The following SVOPL variants were observed in gnomAD, a reference collection of about 807,000 sequenced individuals.
The protein encoded by SVOPL is SVOP like, also known as putative transporter SVOPL.
A neutral mutation model predicts 61.0 loss-of-function variants in SVOPL; 60 were observed. The ratio of observed to expected loss-of-function variants is 0.98; its 90% CI spans 0.80 to 1.22. The LOEUF (loss-of-function observed/expected upper bound fraction) is 1.22. SVOPL is among the 50% of genes most tolerant of loss of function. The probability of loss-of-function intolerance (pLI) is 0.00; values close to 1 mark genes in which losing one functional copy is unlikely to be tolerated. For missense variants in SVOPL, 662 were observed against 643.9 expected (o/e 1.03, Z -0.30); for synonymous variants, 279 against 250.0 (o/e 1.12, Z -1.09).
At chr7:138,654,835 G>A (rs182602048) in intron 7 of SVOPL, among the ~76,000 whole-genome samples, 8 of 149,758 alleles carry the variant, frequency 5.3e-5, no homozygotes, top group Non-Finnish European at 1.0e-4. Context: ...ACACAACATA[G>A]TGAGACCACA....
At chr7:138,656,415 C>T (rs371683036) in intron 7 of SVOPL, 33 bp downstream of exon 7, 1 of 1,609,688 alleles carries the variant, frequency 6.2e-7, no homozygotes, top group Non-Finnish European at 8.5e-7. Context: ...CCATAGGATG[C>T]CAAAGGCAGG....
chr7:138,600,885 C>A (rs1798487598), intron 14 of SVOPL, among the ~76,000 whole-genome samples: 1 of 151,984 alleles, frequency 6.6e-6, no homozygotes, highest in African/African-American at 2.4e-5. Context: ...TATGGAAAAT[C>A]CTGTGGATAT....
chr7:138,675,478 C>T (rs1017205496), intron 3 of SVOPL, among the ~76,000 whole-genome samples: 5 of 151,968 alleles, frequency 3.3e-5, no homozygotes, highest in Non-Finnish European at 4.4e-5. Context: ...CCCTGCCTTC[C>T]GAGTAGCTGG....
At chr7:138,598,835 T>C (rs1673211) in intron 14 of SVOPL, among the ~76,000 whole-genome samples, 116,717 of 152,142 alleles carry the variant, frequency 0.77, 46,082 homozygotes, top group African/African-American at 0.94. Flanking sequence ...TATAACTCTA[T>C]TAAGTACATT....
chr7:138,699,101 G>T (rs1346665744), intron 1 of SVOPL, among the ~76,000 whole-genome samples: 1 of 152,160 alleles, frequency 6.6e-6, no homozygotes, highest in Non-Finnish European at 1.5e-5. Context: ...GCAGTGAGCT[G>T]AGATCATGCC....
chr7:138,597,620 C>T (rs1798331915), intron 14 of SVOPL, among the ~76,000 whole-genome samples: 1 of 147,548 alleles, frequency 6.8e-6, no homozygotes, highest in Admixed American at 6.9e-5. Context: ...TTTCCCCAAA[C>T]AGGAGTTTGT....
intron 14 of SVOPL, among the ~76,000 whole-genome samples, chr7:138,598,742 CACA>C (rs1320449694): frequency 6.6e-6 from 1 of 151,966 alleles, no homozygotes; most frequent in East Asian, 1.9e-4. Flanking sequence ...GGAATGAAAA[CACA>C]ACATGTTAAA....
intron 13 of SVOPL, among the ~76,000 whole-genome samples, chr7:138,622,308 A>ATCTATCTATCTGTCTATCTATCTG (rs1563096950): frequency 6.7e-6 from 1 of 148,268 alleles, no homozygotes; most frequent in African/African-American, 2.5e-5. Context: ...CTATCTATCT[A>ATCTATCTATCTGTCTATCTATCTG]TCTATCGACA....
intron 9 of SVOPL, among the ~76,000 whole-genome samples, chr7:138,638,089 C>CATGGTGAAA (rs1262117780): frequency 2.0e-5 from 3 of 151,912 alleles, no homozygotes; most frequent in Admixed American, 1.3e-4. Context: ...GCCTGGCTAA[C>CATGGTGAAA]ATGGTGAAAC....
intron 14 of SVOPL, among the ~76,000 whole-genome samples, chr7:138,603,329 T>C (rs1798609371): frequency 1.3e-5 from 2 of 152,330 alleles, no homozygotes; most frequent in East Asian, 1.9e-4. Context: ...CCTCACATTG[T>C]TGATGTACTG....
At chr7:138,650,411 A>G (rs1242143741) in intron 7 of SVOPL, among the ~76,000 whole-genome samples, 1 of 151,978 alleles carries the variant, frequency 6.6e-6, no homozygotes, top group African/African-American at 2.4e-5. Flanking sequence ...GGAAGAAGAG[A>G]TTAGTTCTGA....
At chr7:138,606,850 A>C (rs754977068) in intron 14 of SVOPL, among the ~76,000 whole-genome samples, 5 of 152,094 alleles carry the variant, frequency 3.3e-5, no homozygotes, top group Non-Finnish European at 5.9e-5. Flanking sequence ...GCTACTCAGG[A>C]GGCTGAGGCA....
chr7:138,660,489 G>A, intron 5 of SVOPL: 2 of 985,814 alleles, frequency 2.0e-6, no homozygotes, highest in Admixed American at 6.1e-5. Flanking sequence ...TATCTTCTCT[G>A]TTTATGAGAG....
chr7:138,619,186 T>C (rs1799437235), intron 14 of SVOPL, among the ~76,000 whole-genome samples: 1 of 152,144 alleles, frequency 6.6e-6, no homozygotes. Flanking sequence ...GGCAGGAGGA[T>C]GGCCTAAACC....
chr7:138,659,852 T>C lies in SVOPL; in HGVS notation c.470+12A>G. 1 of 1,551,212 alleles carries C rather than the reference T, an allele frequency of 6.4e-7. No individual in the cohort carries two copies. Among genetic ancestry groups the C allele is most frequent in the Non-Finnish European group, 8.7e-7 (1 of 1,146,832 alleles). Reference sequence around the variant, plus strand: ...CGTTTCTGTCTCAGGGTCCCCTGGGTAACATATTTACCCTTGCGAGTGGCC... The same window carrying C: ...CGTTTCTGTCTCAGGGTCCCCTGGGCAACATATTTACCCTTGCGAGTGGCC... On this transcript the variant is annotated intron_variant, in intron 6 of 15. Coordinates refer to ENST00000674285, the MANE Select transcript of SVOPL (RefSeq NM_001139456.2).
chr7:138,607,506 C>T (rs529557840), intron 14 of SVOPL, among the ~76,000 whole-genome samples: 4 of 152,224 alleles, frequency 2.6e-5, no homozygotes, highest in Admixed American at 6.5e-5. Context: ...AGGGAGAGCA[C>T]GGCCAGCAGT....
At chr7:138,656,404 C>A (rs368670809) in intron 7 of SVOPL, 44 bp downstream of exon 7, 445 of 1,591,956 alleles carry the variant, frequency 2.8e-4, no homozygotes, top group Middle Eastern at 6.7e-4. Context: ...TACATCTTAT[C>A]CCATAGGATG....
Position 138,663,068 on chromosome 7 carries a change from A to T in SVOPL, c.345+6T>A. 1 of 1,614,130 alleles carries T rather than the reference A, an allele frequency of 6.2e-7. No homozygotes were observed. Among genetic ancestry groups the T allele is most frequent in the Non-Finnish European group, 8.5e-7 (1 of 1,180,024 alleles). Reference sequence around the variant, plus strand: ...ATTCCAAATGCTACTGTGAGGCCCCACCTACCTTCCAGCGGCCATATCTGT... The same window carrying T: ...ATTCCAAATGCTACTGTGAGGCCCCTCCTACCTTCCAGCGGCCATATCTGT... On this transcript the variant is annotated splice_donor_region_variant and intron_variant, in intron 5 of 15. Transcript: ENST00000674285.
chr7:138,611,848 T>A (rs1179290850), intron 14 of SVOPL, among the ~76,000 whole-genome samples: 145 of 68,062 alleles, frequency 2.1e-3, no homozygotes, highest in South Asian at 6.4e-3. Context: ...CCTCCCAAAG[T>A]GCCGAGATTG....
Sources: allele counts gnomAD v4.1 joint callset (sites outside exome capture counted in the v4.1 genomes callset), GRCh38; gene constraint gnomAD v4.1.1; transcripts MANE v1.5; gene names NCBI Gene and HGNC (gene_info 2026-07-23, HGNC 2026-07-21).